PRR33: variants seen among roughly 807,000 people sequenced by gnomAD.
PRR33 encodes proline rich 33.
PRR33 carries 1 observed loss-of-function variant against 0.5 expected under a neutral mutation model. The observed-to-expected ratio is 2.18, with a 90% CI of 0.77 to 10.34. The LOEUF is 10.34. PRR33 is among the 30% of genes most tolerant of loss of function. The pLI is 0.13. For missense variants in PRR33, 552 were observed against 251.8 expected (o/e 2.19, Z -8.07); for synonymous variants, 226 against 110.0 (o/e 2.06, Z -6.60).
At chr11:1,892,095 G>C (rs1849024313), upstream of PRR33, 1 of 152,272 alleles carries the variant, frequency 6.6e-6, no homozygotes, top group East Asian at 1.9e-4. Context: ...GAAGTTAGGA[G>C]GTTGAGGCAC....
At chr11:1,915,271 C>A in the PRR33 span, among the ~76,000 whole-genome samples, 1 of 148,160 alleles carries the variant, frequency 6.7e-6, no homozygotes, top group East Asian at 2.1e-4. Flanking sequence ...TCTGGGATCA[C>A]ATCCCTGGGG....
the PRR33 span, among the ~76,000 whole-genome samples, chr11:1,913,445 C>T: frequency 6.6e-6 from 1 of 152,118 alleles, no homozygotes; most frequent in Non-Finnish European, 1.5e-5. Flanking sequence ...CGCGCCCGGC[C>T]CCCGCTTTCT....
At chr11:1,892,582 G>A (rs1048823160), upstream of PRR33, among the ~76,000 whole-genome samples, 1 of 152,108 alleles carries the variant, frequency 6.6e-6, no homozygotes, top group African/African-American at 2.4e-5. Context: ...CCACCTCGGG[G>A]CCTCCCCCAA....
exon 1 of PRR33, chr11:1,889,443 T>C: frequency 1.5e-6 from 1 of 650,996 alleles, no homozygotes; most frequent in Non-Finnish European, 2.8e-6. Context: ...CACCTCCTGC[T>C]CTGTGGGGGC....
chr11:1,899,349 TGGGTGGCAA>T, the PRR33 span, among the ~76,000 whole-genome samples: 30 of 152,242 alleles, frequency 2.0e-4, no homozygotes, highest in Middle Eastern at 3.4e-3. Context: ...CACTGCAGTG[TGGGTGGCAA>T]GGGCAGTCTT....
At chr11:1,911,999 T>TAAAAAAAAAA in the PRR33 span, among the ~76,000 whole-genome samples, 3 of 26,996 alleles carry the variant, frequency 1.1e-4, no homozygotes, top group African/African-American at 4.1e-4. Flanking sequence ...ACCCCATCTC[T>TAAAAAAAAAA]AAAAAAAAAA....
At chr11:1,897,136 C>G in the PRR33 span, among the ~76,000 whole-genome samples, 24 of 152,284 alleles carry the variant, frequency 1.6e-4, no homozygotes, top group African/African-American at 5.3e-4. This position sits in a 1 kb window ranked among gnomAD's most constrained non-coding sequence, Gnocchi z 4.0. Context: ...CCTTGATGAG[C>G]GGAAACCTGG....
At chr11:1,897,648 A>G in the PRR33 span, among the ~76,000 whole-genome samples, 1 of 152,160 alleles carries the variant, frequency 6.6e-6, no homozygotes. The surrounding 1 kb of genome is among the most constrained non-coding windows in gnomAD (Gnocchi z 4.0). Flanking sequence ...CATTTAGTGG[A>G]AAGTGTAGCC....
At chr11:1,913,821 G>A in the PRR33 span, among the ~76,000 whole-genome samples, 4 of 152,230 alleles carry the variant, frequency 2.6e-5, no homozygotes, top group South Asian at 2.1e-4. Flanking sequence ...CTCACCCCGC[G>A]CTCTGCGGTG....
At chr11:1,889,227 G>A in exon 1 of PRR33, 1 of 675,516 alleles carries the variant, frequency 1.5e-6, no homozygotes, top group Non-Finnish European at 2.7e-6. Flanking sequence ...GACTGTGGGA[G>A]GGGGCCGGGT....
At chr11:1,906,928 G>A in the PRR33 span, among the ~76,000 whole-genome samples, 2 of 152,208 alleles carry the variant, frequency 1.3e-5, no homozygotes, top group Non-Finnish European at 2.9e-5. Context: ...GAGACCCCCA[G>A]CTCTGTCTCA....
chr11:1,903,872 G>A, the PRR33 span, among the ~76,000 whole-genome samples: 1 of 152,158 alleles, frequency 6.6e-6, no homozygotes, highest in African/African-American at 2.4e-5. Context: ...AAGCTGGAGT[G>A]TGCACCTCCT....
chr11:1,897,121 G>A, the PRR33 span, among the ~76,000 whole-genome samples: 4 of 152,166 alleles, frequency 2.6e-5, no homozygotes, highest in African/African-American at 7.2e-5. The surrounding 1 kb of genome is among the most constrained non-coding windows in gnomAD (Gnocchi z 4.0). Flanking sequence ...TGGAATGGCC[G>A]GCACCCTTGA....
At chr11:1,906,319 T>C in the PRR33 span, among the ~76,000 whole-genome samples, 1 of 152,224 alleles carries the variant, frequency 6.6e-6, no homozygotes, top group Non-Finnish European at 1.5e-5. Flanking sequence ...TTGCTGGCTT[T>C]TTCGCTGTAA....
chr11:1,908,490 CT>C, the PRR33 span, among the ~76,000 whole-genome samples: 65 of 151,874 alleles, frequency 4.3e-4, no homozygotes, highest in Admixed American at 9.8e-4. Flanking sequence ...TTGTCATTTT[CT>C]TGCTACAGAT....
the PRR33 span, among the ~76,000 whole-genome samples, chr11:1,899,539 A>C: frequency 1.4e-4 from 22 of 152,194 alleles, no homozygotes; most frequent in African/African-American, 5.3e-4. Flanking sequence ...TGGAAGATAC[A>C]TGAGGTTCTA....
At chr11:1,896,163 G>A (rs549657863), upstream of PRR33, among the ~76,000 whole-genome samples, 3 of 152,150 alleles carry the variant, frequency 2.0e-5, no homozygotes, top group South Asian at 2.1e-4. Flanking sequence ...TTCTTTTTCC[G>A]GATTGTTTTA....
At chr11:1,890,381 G>A (rs558487838) in exon 1 of PRR33, 143 of 716,804 alleles carry the variant, frequency 2.0e-4, no homozygotes, top group East Asian at 7.0e-4. Context: ...CCTCACTCAC[G>A]GGGGACAGGG....
At chr11:1,899,341 C>T in the PRR33 span, among the ~76,000 whole-genome samples, 1 of 152,176 alleles carries the variant, frequency 6.6e-6, no homozygotes, top group Non-Finnish European at 1.5e-5. Context: ...TAGAATTTCA[C>T]TGCAGTGTGG....
Sources: allele counts gnomAD v4.1 joint callset (sites outside exome capture counted in the v4.1 genomes callset), GRCh38; gene constraint gnomAD v4.1.1; non-coding constraint Gnocchi (gnomAD v3.1); transcripts MANE v1.5; gene names NCBI Gene and HGNC (gene_info 2026-07-23, HGNC 2026-07-21).